The following PM20D2 variants were observed in gnomAD, a reference collection of about 807,000 sequenced individuals.
PM20D2 encodes xaa-Arg dipeptidase.
Under a neutral mutation model 42.9 loss-of-function variants are expected in PM20D2, and 33 were observed. The ratio of observed to expected loss-of-function variants is 0.77; its 90% CI spans 0.58 to 1.03. PM20D2 has a LOEUF of 1.03. Ranked by LOEUF, PM20D2 falls within the 50% of genes least tolerant of loss-of-function variation. The pLI is 0.00. For synonymous variants in PM20D2, 250 were observed against 228.2 expected (o/e 1.10, Z -0.86); for missense variants, 548 against 557.0 (o/e 0.98, Z 0.16).
chr6:89,102,517 TATTAA>T, the PM20D2 span, among the ~76,000 whole-genome samples: 1 of 152,070 alleles, frequency 6.6e-6, no homozygotes, highest in African/African-American at 2.4e-5. Flanking sequence ...TTTTAGAAAT[TATTAA>T]ATTTCATTCA....
chr6:89,134,399 AT>A, the PM20D2 span, among the ~76,000 whole-genome samples: 1 of 151,082 alleles, frequency 6.6e-6, no homozygotes, highest in East Asian at 1.9e-4. Context: ...GTTTGTGTTT[AT>A]TTCCTATAGT....
chr6:89,146,630 G>A, intron 1 of PM20D2, 21 bp downstream of exon 1: 1 of 1,397,754 alleles, frequency 7.2e-7, no homozygotes, highest in African/African-American at 1.5e-5. Flanking sequence ...GCCCGGGTGC[G>A]GGACCCTATC....
In PM20D2 at chr6:89,146,385, T is replaced by TA; in HGVS notation, c.242dup (p.Tyr81Ter). Reference sequence around the variant, plus strand: ...GGCCTCCTGGGCAGTGCAGCCGCACTACCAGCTGCCCACGGCCTTCCGCGC... The same window carrying TA: ...GGCCTCCTGGGCAGTGCAGCCGCACTAACCAGCTGCCCACGGCCTTCCGCGC... Reference protein sequence around the residue: ...PAASWAVQPHYQLPTAFRAEW... With the variant: ...PAASWAVQPH Residue 81 changes from tyrosine (Y) to a stop codon, truncating the protein, a stop_gained and frameshift_variant, in exon 1 of 7, where the codon TAC (tyrosine) becomes TAAC (stop). Transcript: ENST00000275072. LOFTEE classifies it high-confidence loss of function. 1 of 1,534,710 alleles carries TA rather than the reference T, an allele frequency of 6.5e-7. No individual in the cohort carries two copies. The highest frequency in any genetic ancestry group is 8.7e-7 in the Non-Finnish European group (1 of 1,148,234).
chr6:89,112,791 C>A, the PM20D2 span, among the ~76,000 whole-genome samples: 1 of 152,128 alleles, frequency 6.6e-6, no homozygotes, highest in South Asian at 2.1e-4. Flanking sequence ...ATGTTTCAGT[C>A]AATGATGAAC....
chr6:89,152,940 T>A, intron 2 of PM20D2, 103 bp from the exon 3 acceptor site: 1 of 865,656 alleles, frequency 1.2e-6, no homozygotes, highest in Non-Finnish European at 1.7e-6. Flanking sequence ...AGTCCAGCAA[T>A]GTGAATTAAT....
At chr6:89,099,404 A>ATATATATACACATATATATATATATGTG in the PM20D2 span, among the ~76,000 whole-genome samples, 505 of 83,814 alleles carry the variant, frequency 6.0e-3, 8 homozygotes, top group Middle Eastern at 0.012. Context: ...CTCTCTCTCC[A>ATATATATACACATATATATATATATGTG]TATATATATA....
chr6:89,132,816 C>T, the PM20D2 span, among the ~76,000 whole-genome samples: 3,226 of 150,754 alleles, frequency 0.021, 149 homozygotes, highest in African/African-American at 0.035. Flanking sequence ...CCAGCCTGGG[C>T]GACATGGTGA....
At chr6:89,136,635 G>A in the PM20D2 span, among the ~76,000 whole-genome samples, 3,726 of 150,806 alleles carry the variant, frequency 0.025, 393 homozygotes, top group African/African-American at 0.088. Context: ...CTAAGATCGC[G>A]CCACTGCACT....
the PM20D2 span, among the ~76,000 whole-genome samples, chr6:89,123,110 C>T: frequency 6.6e-6 from 1 of 152,130 alleles, no homozygotes; most frequent in Non-Finnish European, 1.5e-5. Context: ...TGTCACTTTT[C>T]CTGTATATTC....
the PM20D2 span, chr6:89,098,722 T>C: frequency 1.2e-6 from 2 of 1,613,954 alleles, no homozygotes. Flanking sequence ...CAGAATGTCT[T>C]CCATGTGATC....
At chr6:89,115,091 C>G in the PM20D2 span, among the ~76,000 whole-genome samples, 1 of 151,338 alleles carries the variant, frequency 6.6e-6, no homozygotes, top group African/African-American at 2.4e-5. Flanking sequence ...CCACCACGCC[C>G]GGCCACAGCT....
At chr6:89,099,538 GTTT>G in the PM20D2 span, among the ~76,000 whole-genome samples, 3 of 126,204 alleles carry the variant, frequency 2.4e-5, no homozygotes, top group Middle Eastern at 4.2e-3. Context: ...ACACATACAT[GTTT>G]TTTTTTTTTT....
At chr6:89,107,733 C>G in the PM20D2 span, among the ~76,000 whole-genome samples, 2 of 151,844 alleles carry the variant, frequency 1.3e-5, no homozygotes, top group African/African-American at 4.8e-5. Flanking sequence ...GAGTGAGACC[C>G]TGTCTCAAAA....
the PM20D2 span, among the ~76,000 whole-genome samples, chr6:89,099,513 TATAC>T: frequency 1.9e-4 from 10 of 51,462 alleles, no homozygotes; most frequent in African/African-American, 8.0e-4. Context: ...TGTATATATA[TATAC>T]ACACACACAC....
At chr6:89,119,680 C>G in the PM20D2 span, among the ~76,000 whole-genome samples, 1 of 152,234 alleles carries the variant, frequency 6.6e-6, no homozygotes, top group African/African-American at 2.4e-5. Context: ...CATCATCTAT[C>G]TGAAGGCACT....
At chr6:89,101,364 T>C in the PM20D2 span, among the ~76,000 whole-genome samples, 59 of 152,184 alleles carry the variant, frequency 3.9e-4, 1 homozygote, top group African/African-American at 1.1e-3. Context: ...AAACCCCACA[T>C]AGGCAAAGAA....
chr6:89,154,652 C>G, intron 3 of PM20D2, 96 bp from the exon 4 acceptor site: 1 of 883,754 alleles, frequency 1.1e-6, no homozygotes, highest in Non-Finnish European at 1.6e-6. Flanking sequence ...AATTATTTTT[C>G]TTTATGAACA....
the PM20D2 span, among the ~76,000 whole-genome samples, chr6:89,115,710 C>G: frequency 2.7e-5 from 4 of 148,500 alleles, no homozygotes; most frequent in South Asian, 8.4e-4. Flanking sequence ...GATGTTGGCT[C>G]ACTGCAAGCT....
At chr6:89,095,837 A>G in the PM20D2 span, 6 of 152,302 alleles carry the variant, frequency 3.9e-5, no homozygotes, top group East Asian at 1.2e-3. Context: ...GGCAGTCTCT[A>G]TTTTCTTTGA....
Sources: gnomAD v4.1 joint callset for allele counts (sites outside exome capture counted in the v4.1 genomes callset) on GRCh38, gnomAD v4.1.1 for gene constraint, MANE v1.5 for transcripts, NCBI Gene and HGNC (gene_info 2026-07-23, HGNC 2026-07-21) for gene names.